The following STXBP4 variants were observed in gnomAD, a reference collection of about 807,000 sequenced individuals.
STXBP4 encodes syntaxin binding protein 4, also known as syntaxin-binding protein 4.
STXBP4 carries 55 observed loss-of-function variants against 76.1 expected under a neutral mutation model. The ratio of observed to expected loss-of-function variants is 0.72; its 90% CI spans 0.58 to 0.91. STXBP4 has a LOEUF of 0.91. STXBP4 is among the 40% of genes least tolerant of loss of function. The probability of loss-of-function intolerance (pLI) is 0.00; values close to 1 mark genes in which losing one functional copy is unlikely to be tolerated. For missense variants in STXBP4, 618 were observed against 636.9 expected, an observed-to-expected ratio of 0.97 and a Z score of 0.32; for synonymous variants, 201 against 220.2, an observed-to-expected ratio of 0.91 and a Z score of 0.77.
intron 16 of STXBP4, among the ~76,000 whole-genome samples, chr17:55,107,398 A>G (rs1022640710): frequency 1.2e-4 from 18 of 152,112 alleles, no homozygotes; most frequent in South Asian, 8.3e-4. Context: ...CTTTAGCTCA[A>G]AGGAGTTTGT....
chr17:54,985,892 T>C (rs2144366907), intron 2 of STXBP4, among the ~76,000 whole-genome samples: 1 of 152,336 alleles, frequency 6.6e-6, no homozygotes, highest in South Asian at 2.1e-4. Context: ...AATGAAGATG[T>C]TATATAGATA....
intron 16 of STXBP4, among the ~76,000 whole-genome samples, chr17:55,112,000 C>T (rs77578214): frequency 0.029 from 4,370 of 152,204 alleles, 109 homozygotes; most frequent in East Asian, 0.15. Context: ...ACTGCAGTTT[C>T]GAACTCCTGG....
chr17:55,010,591 T>G (rs2078091575), intron 8 of STXBP4, among the ~76,000 whole-genome samples: 1 of 152,122 alleles, frequency 6.6e-6, no homozygotes, highest in African/African-American at 2.4e-5. Context: ...GGGATACAAT[T>G]TATTGCTTGG....
chr17:54,969,925 A>C (rs114203583), intron 1 of STXBP4, among the ~76,000 whole-genome samples: 99 of 152,346 alleles, frequency 6.5e-4, no homozygotes, highest in African/African-American at 2.3e-3. Flanking sequence ...CAATCAGTGC[A>C]GTGAAGACAA....
chr17:54,990,918 A>T lies in STXBP4; in HGVS notation c.141A>T (p.Val47=). 1 of 1,602,524 alleles carries T rather than the reference A, an allele frequency of 6.2e-7. No individual in the cohort carries two copies. Among genetic ancestry groups the T allele is most frequent in the Non-Finnish European group, 8.5e-7 (1 of 1,176,310 alleles). Residue 47 remains valine (V), a synonymous_variant, in exon 4 of 18, where the codon GTA becomes GTT. Coordinates refer to ENST00000376352, the MANE Select transcript of STXBP4 (RefSeq NM_178509.6). ...TTAACCGGAATGAAGGCCCATTGGT[A>T]TATATTCAGGAAATTATTCCTGGAG... The part of the protein sequence containing the change: ...GGINRNEGPL[V]YIQEIIPGGD...
chr17:55,084,681 G>C (rs1359962324), intron 16 of STXBP4, among the ~76,000 whole-genome samples: 39 of 151,910 alleles, frequency 2.6e-4, no homozygotes, highest in Non-Finnish European at 3.8e-4. Context: ...AAGGGATCCA[G>C]TTTCAGCTTT....
At chr17:55,157,685 A>AT (rs1049636159) in intron 17 of STXBP4, among the ~76,000 whole-genome samples, 3 of 152,212 alleles carry the variant, frequency 2.0e-5, no homozygotes, top group African/African-American at 7.2e-5. Context: ...GAAAAGATAC[A>AT]TTTTTAATAT....
At chr17:55,104,869 T>A (rs2079611987) in intron 16 of STXBP4, among the ~76,000 whole-genome samples, 1 of 152,202 alleles carries the variant, frequency 6.6e-6, no homozygotes, top group Non-Finnish European at 1.5e-5. Flanking sequence ...GGTGTACATG[T>A]CCAGGAATTT....
At chr17:55,061,180 G>A (rs2078989783) in intron 12 of STXBP4, among the ~76,000 whole-genome samples, 2 of 152,170 alleles carry the variant, frequency 1.3e-5, no homozygotes, top group Non-Finnish European at 2.9e-5. Context: ...GCTGACATGT[G>A]AGCTATCTTA....
intron 8 of STXBP4, among the ~76,000 whole-genome samples, chr17:55,018,158 G>T (rs116419919): frequency 2.3e-4 from 35 of 152,122 alleles, no homozygotes; most frequent in African/African-American, 8.2e-4. Context: ...ATTAGAAGCC[G>T]TGGGTCACGG....
At chr17:55,136,817 T>G (rs1464820847) in intron 16 of STXBP4, among the ~76,000 whole-genome samples, 1 of 151,986 alleles carries the variant, frequency 6.6e-6, no homozygotes, top group Admixed American at 6.6e-5. Flanking sequence ...GAGGAAAGGA[T>G]TGTAAAAAAA....
At chr17:54,976,732 A>G (rs1019680376) in intron 1 of STXBP4, among the ~76,000 whole-genome samples, 1 of 152,172 alleles carries the variant, frequency 6.6e-6, no homozygotes, top group African/African-American at 2.4e-5. Flanking sequence ...AATTAGGCAT[A>G]TGAGTGGTCT....
At chr17:54,999,055 A>C (rs2077862610) in intron 4 of STXBP4, among the ~76,000 whole-genome samples, 1 of 150,146 alleles carries the variant, frequency 6.7e-6, no homozygotes, top group Non-Finnish European at 1.5e-5. Context: ...CAGTTTTTAA[A>C]ACAGGTCCCT....
At chr17:55,153,333 C>T (rs2080236685) in intron 17 of STXBP4, among the ~76,000 whole-genome samples, 1 of 152,156 alleles carries the variant, frequency 6.6e-6, no homozygotes, top group Non-Finnish European at 1.5e-5. Context: ...TTGTAACACT[C>T]ACTGTCAAGT....
chr17:55,005,127 C>T (rs1258407027), intron 7 of STXBP4, among the ~76,000 whole-genome samples: 1 of 152,172 alleles, frequency 6.6e-6, no homozygotes, highest in Non-Finnish European at 1.5e-5. Context: ...CCTTATAATA[C>T]AGTGTCTCTG....
chr17:55,208,609 A>AAGGAAG, the STXBP4 span, among the ~76,000 whole-genome samples: 196 of 27,762 alleles, frequency 7.1e-3, 5 homozygotes, highest in African/African-American at 0.013. Flanking sequence ...AAGGAAGGAA[A>AAGGAAG]GAGAGAGGGA....
chr17:55,099,192 G>T (rs1482762898), intron 16 of STXBP4, among the ~76,000 whole-genome samples: 1 of 152,058 alleles, frequency 6.6e-6, no homozygotes, highest in Non-Finnish European at 1.5e-5. Flanking sequence ...CAGCTTTTTT[G>T]GAGCGCAGTC....
downstream of STXBP4, among the ~76,000 whole-genome samples, chr17:55,177,422 C>A (rs1013473405): frequency 1.3e-5 from 2 of 152,104 alleles, no homozygotes; most frequent in Non-Finnish European, 2.9e-5. Context: ...AGTGAAGGGA[C>A]GTGAACAGGC....
At position 55,165,549 on chromosome 17, in the gene STXBP4, T is replaced by C. The variant is rs1175892074; in HGVS notation, c.*5638T>C. 6.6e-6 allele frequency: 1 copy of C among 152,230 alleles called. No individual in the cohort carries two copies. Among genetic ancestry groups the C allele is most frequent in the African/African-American group, 2.4e-5 (1 of 41,440 alleles). 9.4% of individuals were successfully genotyped at this position (152,230 alleles called of 1,614,324 possible). A position where few individuals can be genotyped will look rare whatever the true frequency, so the allele number is the denominator to read the frequency against. ...CTGCTGGACCTGAATGAGGATCTTT[T>C]CCATTCAATCCACATGTTCTCTCAA... On this transcript the variant is annotated 3_prime_UTR_variant, in exon 18 of 18. Coordinates refer to ENST00000376352, the MANE Select transcript of STXBP4 (RefSeq NM_178509.6).
Sources: gnomAD v4.1 joint callset for allele counts (sites outside exome capture counted in the v4.1 genomes callset) on GRCh38, gnomAD v4.1.1 for gene constraint, MANE v1.5 for transcripts, NCBI Gene and HGNC (gene_info 2026-07-23, HGNC 2026-07-21) for gene names.